Variants in MOBP observed in about 807,000 individuals in gnomAD.
The protein encoded by MOBP is myelin associated oligodendrocyte basic protein, also known as myelin-associated oligodendrocyte basic protein.
Under a neutral mutation model 15.0 loss-of-function variants are expected in MOBP, and 5 were observed. The ratio of observed to expected loss-of-function variants is 0.33; its 90% CI spans 0.17 to 0.70. The LOEUF is 0.70. Ranked by LOEUF, MOBP falls within the 30% of genes least tolerant of loss-of-function variation. MOBP has a pLI of 0.67. For synonymous variants in MOBP, 88 were observed against 99.0 expected, an observed-to-expected ratio of 0.89 and a Z score of 0.66; for missense variants, 188 against 257.8, an observed-to-expected ratio of 0.73 and a Z score of 1.85.
At chr3:39,469,794 T>C (rs1559412624) in intron 1 of MOBP, among the ~76,000 whole-genome samples, 1 of 152,224 alleles carries the variant, frequency 6.6e-6, no homozygotes, top group Non-Finnish European at 1.5e-5. Flanking sequence ...TAATAGTTAC[T>C]AGGATTTTAA....
intron 3 of MOBP, among the ~76,000 whole-genome samples, chr3:39,523,268 GT>G (rs1426469354): frequency 1.3e-5 from 2 of 152,196 alleles, no homozygotes; most frequent in Non-Finnish European, 2.9e-5. Context: ...ATTATCTACA[GT>G]TAATATTTAT....
downstream of MOBP, among the ~76,000 whole-genome samples, chr3:39,506,452 G>A (rs575016113): frequency 1.3e-5 from 2 of 151,388 alleles, no homozygotes; most frequent in African/African-American, 4.9e-5. Context: ...AGCAAGATAA[G>A]GAAGGGAAAG....
At chr3:39,477,516 A>C (rs2042560351) in intron 1 of MOBP, among the ~76,000 whole-genome samples, 1 of 152,004 alleles carries the variant, frequency 6.6e-6, no homozygotes, top group African/African-American at 2.4e-5. Flanking sequence ...ACAGTACATA[A>C]TACTTGGTAA....
chr3:39,494,537 G>C (rs1163569476), intron 2 of MOBP, among the ~76,000 whole-genome samples: 3 of 151,416 alleles, frequency 2.0e-5, no homozygotes, highest in Admixed American at 1.3e-4. Flanking sequence ...GGTATCTTTT[G>C]TGAAAACGTC....
chr3:39,489,172 G>T (rs2042758281), intron 2 of MOBP, among the ~76,000 whole-genome samples: 1 of 152,134 alleles, frequency 6.6e-6, no homozygotes, highest in Admixed American at 6.5e-5. Context: ...ATATCTTTTG[G>T]ATCTCAAATT....
intron 2 of MOBP, among the ~76,000 whole-genome samples, chr3:39,498,148 C>G (rs2042912942): frequency 6.6e-6 from 1 of 152,220 alleles, no homozygotes; most frequent in African/African-American, 2.4e-5. Context: ...AAGGAATTTA[C>G]TAGCAATCCT....
At chr3:39,469,326 A>ACAC in intron 1 of MOBP, among the ~76,000 whole-genome samples, 1 of 119,358 alleles carries the variant, frequency 8.4e-6, no homozygotes, top group Admixed American at 8.8e-5. Context: ...ATATCTAATT[A>ACAC]ATTTTAATTA....
At chr3:39,519,959 G>GTT (rs11303840), downstream of MOBP, among the ~76,000 whole-genome samples, 16 of 132,102 alleles carry the variant, frequency 1.2e-4, no homozygotes, top group South Asian at 2.5e-4. Flanking sequence ...CATGACATCT[G>GTT]TTTTTTTTTT....
chr3:39,492,763 AT>A (rs1465863965), intron 2 of MOBP, among the ~76,000 whole-genome samples: 2 of 152,160 alleles, frequency 1.3e-5, no homozygotes, highest in Non-Finnish European at 2.9e-5. Flanking sequence ...CCAGTGTGTT[AT>A]TCTCACATAG....
chr3:39,521,282 C>T (rs1178144973), intron 3 of MOBP, among the ~76,000 whole-genome samples: 2 of 152,114 alleles, frequency 1.3e-5, no homozygotes, highest in African/African-American at 4.8e-5. Context: ...ATTAAAGCCA[C>T]CATTAGGATA....
chr3:39,493,530 G>C (rs1177060592), intron 2 of MOBP, among the ~76,000 whole-genome samples: 1 of 152,134 alleles, frequency 6.6e-6, no homozygotes, highest in African/African-American at 2.4e-5. Context: ...GGACATAAGT[G>C]GCTAAGGGCT....
intron 2 of MOBP, among the ~76,000 whole-genome samples, chr3:39,500,977 G>A (rs1453905019): frequency 6.6e-6 from 1 of 152,124 alleles, no homozygotes; most frequent in Non-Finnish European, 1.5e-5. Context: ...ACAAACAGAG[G>A]TGCAAAAACA....
At position 39,469,214 on chromosome 3, in the gene MOBP, G is replaced by GTATATACA. The variant is rs1553616258; in HGVS notation, c.-89+1486_-89+1493dup. On this transcript the variant is annotated intron_variant, in intron 1 of 3. Transcript: ENST00000684792. ...TGTATATACATATATACATGTGTGT[G>GTATATACA]TATATACATATATACATATGTGTGT... Among the ~76,000 whole-genome samples the GTATATACA allele has an allele frequency of 8.1e-5, 8 of 98,670 alleles. 1 individual carries two copies. The highest frequency in any genetic ancestry group is 6.3e-4 in the Admixed American group (7 of 11,160). 64.7% of individuals were successfully genotyped at this position (98,670 alleles called of 152,430 possible). A position where few individuals can be genotyped will look rare whatever the true frequency, so the allele number is the denominator to read the frequency against.
At chr3:39,494,051 A>G (rs2042838844) in intron 2 of MOBP, among the ~76,000 whole-genome samples, 1 of 152,228 alleles carries the variant, frequency 6.6e-6, no homozygotes, top group Admixed American at 6.5e-5. Flanking sequence ...ATGTGGTCAC[A>G]TGGGGGAATT....
chr3:39,473,634 T>G (rs1000485799), intron 1 of MOBP, among the ~76,000 whole-genome samples: 3 of 152,296 alleles, frequency 2.0e-5, no homozygotes, highest in Non-Finnish European at 4.4e-5. Context: ...ATTGGTTGAT[T>G]TGCATATAAA....
At chr3:39,505,100 T>C (rs2125659961), downstream of MOBP, among the ~76,000 whole-genome samples, 1 of 152,366 alleles carries the variant, frequency 6.6e-6, no homozygotes, top group African/African-American at 2.4e-5. Flanking sequence ...TAGTTTATTC[T>C]GTCCTCCCAG....
At chr3:39,527,106 A>G (rs888656176), downstream of MOBP, 1 of 152,066 alleles carries the variant, frequency 6.6e-6, no homozygotes, top group African/African-American at 2.4e-5. Flanking sequence ...TATGAACATG[A>G]TTCTCTGGAG....
intron 3 of MOBP, among the ~76,000 whole-genome samples, chr3:39,523,518 C>T (rs1380009305): frequency 6.6e-6 from 1 of 152,136 alleles, no homozygotes; most frequent in Admixed American, 6.5e-5. Context: ...TCTTCTGATC[C>T]ATGACAAGGT....
chr3:39,489,692 C>G lies in MOBP; in HGVS notation c.-5+9569C>G, dbSNP rs557346249. On this transcript the variant is annotated intron_variant, in intron 2 of 3. Transcript: ENST00000684792. ...CAGGAGCTGGGTGTATTGTTCCCCGCCCAGCTCCTGTCCCAGCCCCTGGTG... is the reference window on the plus strand; with the variant it reads ...CAGGAGCTGGGTGTATTGTTCCCCGGCCAGCTCCTGTCCCAGCCCCTGGTG... Among the ~76,000 whole-genome samples, 22 of 151,556 alleles carry G rather than the reference C, an allele frequency of 1.5e-4. No homozygotes were observed. The South Asian group carries it at 3.7e-3, about 26-fold the overall frequency.
Sources: gnomAD v4.1 joint callset for allele counts (sites outside exome capture counted in the v4.1 genomes callset) on GRCh38, gnomAD v4.1.1 for gene constraint, MANE v1.5 for transcripts, NCBI Gene and HGNC (gene_info 2026-07-23, HGNC 2026-07-21) for gene names.